DNM2: variants seen among roughly 807,000 people sequenced by gnomAD.
The protein encoded by DNM2 is dynamin 2.
A neutral mutation model predicts 99.0 loss-of-function variants in DNM2; 15 were observed. The observed-to-expected ratio is 0.15, with a 90% CI of 0.10 to 0.23. The LOEUF is 0.23. DNM2 is among the 10% of genes least tolerant of loss of function. DNM2 has a pLI of 1.00. For missense variants in DNM2, 742 were observed against 1,189.4 expected (o/e 0.62, Z 5.53); for synonymous variants, 525 against 481.2 (o/e 1.09, Z -1.19).
chr19:10,793,867 C>T lies in DNM2; in HGVS notation c.1128+12C>T, dbSNP rs537132157. 11 of 1,613,938 alleles carry T rather than the reference C, an allele frequency of 6.8e-6. No individual in the cohort carries two copies. Among genetic ancestry groups the T allele is most frequent in the Admixed American group, 6.7e-5 (4 of 59,974 alleles). On this transcript the variant is annotated intron_variant, in intron 8 of 20. Coordinates refer to ENST00000389253, the MANE Select transcript of DNM2 (RefSeq NM_001005361.3). ...TTGAGCTGGTGAAGGTAGTGCCCCC[C>T]GGGGCTGGGCCCTCCCGTCTCTGGT... is the stretch of plus-strand genomic sequence containing the variant.
At chr19:10,755,264 G>A (rs1341207525) in intron 1 of DNM2, 1 of 152,180 alleles carries the variant, frequency 6.6e-6, no homozygotes, top group Non-Finnish European at 1.5e-5. Context: ...TCAGACACAC[G>A]AAGCAGACAG....
At chr19:10,758,878 C>T (rs923132056) in intron 1 of DNM2, among the ~76,000 whole-genome samples, 4 of 152,214 alleles carry the variant, frequency 2.6e-5, no homozygotes, top group East Asian at 3.9e-4. Flanking sequence ...ACAGCTCTGT[C>T]GAATAGTAAT....
intron 1 of DNM2, among the ~76,000 whole-genome samples, chr19:10,735,029 TTTTG>T (rs541936868): frequency 4.6e-5 from 7 of 151,862 alleles, no homozygotes; most frequent in African/African-American, 1.7e-4. Flanking sequence ...GTGAATCTTT[TTTTG>T]TTTGTTTGTT....
rs2073254829 is a variant in DNM2, at chr19:10,829,393, C to T, written c.2291+125C>T. 9.8e-6 allele frequency: 12 copies of T among 1,228,548 alleles called. No homozygotes were observed. The South Asian group carries it at 1.5e-4, about 16-fold the overall frequency. The allele number at this position is 1,228,548 out of a possible 1,614,324, so 76.1% of individuals were successfully genotyped here. On this transcript the variant is annotated intron_variant, in intron 19 of 20. Transcript: ENST00000389253. Reference sequence around the variant, plus strand: ...CAAGGGTGGCACCCAGGGCTGGGCACTGTGGGAGCTGCTGCCCTGCTGAGG... The same window carrying T: ...CAAGGGTGGCACCCAGGGCTGGGCATTGTGGGAGCTGCTGCCCTGCTGAGG...
chr19:10,831,636 G>A lies in DNM2; in HGVS notation c.*589G>A, dbSNP rs1374619574. 2.0e-6 allele frequency: 2 copies of A among 986,036 alleles called. No individual in the cohort carries two copies. Among genetic ancestry groups the A allele is most frequent in the Non-Finnish European group, 2.4e-6 (2 of 830,248 alleles). The allele number at this position is 986,036 out of a possible 1,614,324, so 61.1% of individuals were successfully genotyped here. A position where few individuals can be genotyped will look rare whatever the true frequency, so the allele number is the denominator to read the frequency against. ...GCCAGAGGTGCCTTTGCTAGGCCCG[G>A]AGCCGTTGGCCCGGGCCGGCCTTGC... On this transcript the variant is annotated 3_prime_UTR_variant, in exon 21 of 21. Transcript: ENST00000389253. The surrounding 1 kb of genome is among the most constrained non-coding windows in gnomAD (Gnocchi z 4.3).
intron 11 of DNM2, among the ~76,000 whole-genome samples, chr19:10,801,158 T>A (rs1442827728): frequency 6.6e-6 from 1 of 151,332 alleles, no homozygotes; most frequent in Non-Finnish European, 1.5e-5. Flanking sequence ...TACAAAAAAT[T>A]AGCCAGGTGG....
At chr19:10,799,446 A>T (rs2072054185) in intron 11 of DNM2, among the ~76,000 whole-genome samples, 1 of 151,472 alleles carries the variant, frequency 6.6e-6, no homozygotes, top group Admixed American at 6.6e-5. Flanking sequence ...ATTACTAAGC[A>T]ATCTTCCAGG....
At position 10,795,766 on chromosome 19, in the gene DNM2, A is replaced by G; in HGVS notation, c.1196+327A>G. ...TTTGCCTGGGGAGGGGCGGGGCGGC[A>G]CTGAATCAGGGTTTTGGGAAGCCAG... On this transcript the variant is annotated intron_variant, in intron 9 of 20. Coordinates refer to ENST00000389253, the MANE Select transcript of DNM2 (RefSeq NM_001005361.3). This position sits in a 1 kb window ranked among gnomAD's most constrained non-coding sequence, Gnocchi z 4.2. 1.7e-6 allele frequency: 1 copy of G among 584,750 alleles called. No homozygotes were observed. Among genetic ancestry groups the G allele is most frequent in the Admixed American group, 3.0e-5 (1 of 33,528 alleles). 36.2% of individuals were successfully genotyped at this position (584,750 alleles called of 1,614,324 possible).
intron 1 of DNM2, among the ~76,000 whole-genome samples, chr19:10,725,489 C>A (rs545659602): frequency 6.6e-6 from 1 of 151,356 alleles, no homozygotes; most frequent in African/African-American, 2.4e-5. Flanking sequence ...ATGCAAGGCT[C>A]GGTTAGGGTG....
chr19:10,759,544 A>C (rs958348883), intron 1 of DNM2, 194 bp from the exon 2 acceptor site: 1 of 677,796 alleles, frequency 1.5e-6, no homozygotes, highest in Non-Finnish European at 2.7e-6. Context: ...ATGACCTTCC[A>C]TGCATACCTT....
intron 1 of DNM2, among the ~76,000 whole-genome samples, chr19:10,743,809 CAAAAAA>C (rs35999203): frequency 2.8e-4 from 9 of 32,628 alleles, no homozygotes; most frequent in Non-Finnish European, 4.5e-4. Flanking sequence ...GACTCTGTCT[CAAAAAA>C]AAAAAAAAAA....
At chr19:10,790,797 C>T (rs1173248608) in intron 7 of DNM2, among the ~76,000 whole-genome samples, 3 of 152,158 alleles carry the variant, frequency 2.0e-5, no homozygotes, top group Middle Eastern at 3.4e-3. Flanking sequence ...AACGGGGTCT[C>T]GCCTTGTTGC....
In DNM2 at chr19:10,830,341, G is replaced by T; in HGVS notation, c.2506G>T (p.Val836Phe). The change falls in exon 20 of 21, where the codon GTT becomes TTT. Residue 836 changes from valine to phenylalanine, a missense_variant. By Grantham distance (50) the Val-to-Phe change is conservative. Coordinates refer to ENST00000389253, the MANE Select transcript of DNM2 (RefSeq NM_001005361.3). The surrounding 1 kb of genome is among the most constrained non-coding windows in gnomAD (Gnocchi z 4.8). Reference sequence around the variant, plus strand: ...CCCGCCTCAGATCCCATCTCGGCCAGTTCGGATCCCCCCAGGGATTCCCCC... The same window carrying T: ...CCCGCCTCAGATCCCATCTCGGCCATTTCGGATCCCCCCAGGGATTCCCCC... The part of the protein sequence containing the change: ...PAPPQIPSRP[V>F]RIPPGIPPGV... The T allele has an allele frequency of 6.2e-7, 1 of 1,612,914 alleles. No homozygotes were observed. Among genetic ancestry groups the T allele is most frequent in the Non-Finnish European group, 8.5e-7 (1 of 1,179,812 alleles).
At position 10,812,206 on chromosome 19, in the gene DNM2, TG is replaced by T; in HGVS notation, c.1558-53del. ...TGAGCTGTGGGCAAGGCTGCTGCGC[TG>T]GGGGATGGCTGGGGCACGGAGCGAG... On this transcript the variant is annotated intron_variant, in intron 14 of 20. Transcript: ENST00000389253. This position sits in a 1 kb window ranked among gnomAD's most constrained non-coding sequence, Gnocchi z 4.0. The T allele has an allele frequency of 1.4e-6, 2 of 1,469,298 alleles. No homozygotes were observed. The highest frequency in any genetic ancestry group is 2.5e-5 in the East Asian group (1 of 39,706). 91.0% of individuals were successfully genotyped at this position (1,469,298 alleles called of 1,614,324 possible). A position where few individuals can be genotyped will look rare whatever the true frequency, so the allele number is the denominator to read the frequency against.
Position 10,795,885 on chromosome 19 carries a change from C to A in DNM2, c.1196+446C>A. On this transcript the variant is annotated intron_variant, in intron 9 of 20. Transcript: ENST00000389253. The surrounding 1 kb of genome is among the most constrained non-coding windows in gnomAD (Gnocchi z 4.2). Reference sequence around the variant, plus strand: ...CTCCAGGTGTCTGCCCTTCCATCGCCGTGGGGTCCTCGGGTCACCCTGAGG... The same window carrying A: ...CTCCAGGTGTCTGCCCTTCCATCGCAGTGGGGTCCTCGGGTCACCCTGAGG... 1 of 990,892 alleles carries A rather than the reference C, an allele frequency of 1.0e-6. No individual in the cohort carries two copies. Among genetic ancestry groups the A allele is most frequent in the Non-Finnish European group, 1.6e-6 (1 of 636,992 alleles). The allele number at this position is 990,892 out of a possible 1,614,324, so 61.4% of individuals were successfully genotyped here.
intron 2 of DNM2, among the ~76,000 whole-genome samples, chr19:10,770,249 A>G (rs1455481409): frequency 6.6e-6 from 1 of 152,090 alleles, no homozygotes; most frequent in Admixed American, 6.6e-5. Context: ...AGTTTATGGC[A>G]TGGCTGTGTT....
intron 2 of DNM2, 136 bp downstream of exon 2, chr19:10,759,947 G>C: frequency 7.9e-7 from 1 of 1,273,324 alleles, no homozygotes; most frequent in South Asian, 1.2e-5. Flanking sequence ...ACATGTGTGA[G>C]GAAATTGAAA....
chr19:10,736,749 C>T (rs1282649767), intron 1 of DNM2, among the ~76,000 whole-genome samples: 1 of 152,168 alleles, frequency 6.6e-6, no homozygotes, highest in Non-Finnish European at 1.5e-5. Flanking sequence ...ACTGTCACTA[C>T]TTCCCCAGGA....
chr19:10,813,267 C>T (rs147562530), intron 15 of DNM2, among the ~76,000 whole-genome samples: 1 of 152,170 alleles, frequency 6.6e-6, no homozygotes, highest in Non-Finnish European at 1.5e-5. Context: ...GGGAGGGACT[C>T]GTTCACTGCG....
Sources: gnomAD v4.1 joint callset for allele counts (sites outside exome capture counted in the v4.1 genomes callset) on GRCh38, gnomAD v4.1.1 for gene constraint, Gnocchi (gnomAD v3.1) non-coding constraint, MANE v1.5 for transcripts, NCBI Gene and HGNC (gene_info 2026-07-23, HGNC 2026-07-21) for gene names.